Variants in PTPRK observed in about 807,000 individuals in gnomAD.
PTPRK encodes receptor-type tyrosine-protein phosphatase kappa.
A neutral mutation model predicts 178.0 loss-of-function variants in PTPRK; 75 were observed. The ratio of observed to expected loss-of-function variants is 0.42; its 90% CI spans 0.35 to 0.51. PTPRK has a LOEUF of 0.51. Among genes scored for constraint, PTPRK ranks in the 20% least tolerant of loss-of-function variants. PTPRK has a pLI of 0.02. For synonymous variants in PTPRK, 637 were observed against 620.6 expected (o/e 1.03, Z -0.39); for missense variants, 1,441 against 1,797.8 (o/e 0.80, Z 3.59).
At chr6:128,502,606 C>A (rs1258191213) in intron 1 of PTPRK, among the ~76,000 whole-genome samples, 1 of 152,134 alleles carries the variant, frequency 6.6e-6, no homozygotes, top group Non-Finnish European at 1.5e-5. Context: ...TATACCAGCT[C>A]CTGAAAGTCA....
intron 2 of PTPRK, among the ~76,000 whole-genome samples, chr6:128,338,546 A>T (rs1831241756): frequency 6.6e-6 from 1 of 152,206 alleles, no homozygotes; most frequent in Non-Finnish European, 1.5e-5. Context: ...ATTAAAGAAC[A>T]TTAGGAAGCC....
intron 2 of PTPRK, among the ~76,000 whole-genome samples, chr6:128,323,409 A>G (rs1829107427): frequency 6.6e-6 from 1 of 152,140 alleles, no homozygotes; most frequent in Admixed American, 6.6e-5. Context: ...CTTTGCTAGC[A>G]TGTAATTTTA....
chr6:128,431,682 T>C (rs1281501794), intron 1 of PTPRK, among the ~76,000 whole-genome samples: 1 of 152,232 alleles, frequency 6.6e-6, no homozygotes, highest in Non-Finnish European at 1.5e-5. Context: ...TTTGTTTTTC[T>C]TTCTTCCTTT....
chr6:128,356,461 T>C (rs960257385), intron 2 of PTPRK, among the ~76,000 whole-genome samples: 1 of 152,210 alleles, frequency 6.6e-6, no homozygotes, highest in African/African-American at 2.4e-5. Context: ...GCATTTTTCA[T>C]TTCTCATCCT....
chr6:128,013,519 T>C (rs928894833), intron 13 of PTPRK, among the ~76,000 whole-genome samples: 14 of 151,478 alleles, frequency 9.2e-5, no homozygotes, highest in African/African-American at 3.1e-4. Flanking sequence ...GTTCTTTTTC[T>C]AGTGTATCCC....
intron 7 of PTPRK, among the ~76,000 whole-genome samples, chr6:128,102,101 A>T (rs1330123257): frequency 6.6e-6 from 1 of 152,202 alleles, no homozygotes; most frequent in African/African-American, 2.4e-5. Flanking sequence ...GAAGAAATGG[A>T]GCTCAATAAA....
At chr6:128,223,244 T>C (rs1191130663) in intron 5 of PTPRK, among the ~76,000 whole-genome samples, 1 of 152,032 alleles carries the variant, frequency 6.6e-6, no homozygotes, top group African/African-American at 2.4e-5. Context: ...TTAAATTCAC[T>C]GAACATTTTA....
chr6:127,984,021 C>A (rs1367767541), intron 22 of PTPRK, among the ~76,000 whole-genome samples: 2 of 151,958 alleles, frequency 1.3e-5, no homozygotes, highest in Non-Finnish European at 2.9e-5. Flanking sequence ...GAATATGATT[C>A]CCAGCAAATC....
At chr6:128,037,604 A>G (rs548380509) in intron 13 of PTPRK, among the ~76,000 whole-genome samples, 1 of 152,338 alleles carries the variant, frequency 6.6e-6, no homozygotes, top group African/African-American at 2.4e-5. Context: ...TTTACTATGT[A>G]TTTATTTCAC....
chr6:128,056,761 TC>T (rs1198655230), intron 13 of PTPRK, among the ~76,000 whole-genome samples: 2 of 152,164 alleles, frequency 1.3e-5, no homozygotes, highest in African/African-American at 4.8e-5. Context: ...CCCTTTTTAC[TC>T]AAGTAAGAGT....
At chr6:128,407,973 A>T (rs1423967343) in intron 1 of PTPRK, among the ~76,000 whole-genome samples, 3 of 152,164 alleles carry the variant, frequency 2.0e-5, no homozygotes. Flanking sequence ...AGCTTTCATG[A>T]CTCACTTCTC....
chr6:128,116,827 C>T lies in PTPRK; in HGVS notation c.1163-26835G>A, dbSNP rs11154434. On this transcript the variant is annotated intron_variant, in intron 7 of 29. Transcript: ENST00000368226. ...GAGACAAAATTGTCATTACTGAAAC[C>T]TAATTTCAAAATATTCCCATTAATA... 3.9e-3 allele frequency among the ~76,000 whole-genome samples: 589 copies of T among 152,288 alleles called. 5 individuals are homozygous for T. Among genetic ancestry groups the T allele is most frequent in the African/African-American group, 0.013 (545 of 41,552 alleles).
In PTPRK at chr6:128,397,590, A is replaced by G; in HGVS notation, c.199T>C (p.Tyr67His). 1 of 1,614,048 alleles carries G rather than the reference A, an allele frequency of 6.2e-7. No homozygotes were observed. Among genetic ancestry groups the G allele is most frequent in the Non-Finnish European group, 8.5e-7 (1 of 1,179,956 alleles). The change falls in exon 2 of 30, where the codon TAT becomes CAT. Residue 67 changes from tyrosine to histidine, a missense_variant. Transcript: ENST00000368226. ...CCTTGGGGCATCTCGGGTGGTAGAT[A>G]ATGAGGCTCTTGAGCACTAACATGC... is the stretch of plus-strand genomic sequence containing the variant. ...WVHVSAQEPH[Y>H]LPPEMPQGSY...
chr6:128,365,743 T>G (rs373729189), intron 2 of PTPRK, among the ~76,000 whole-genome samples: 349 of 152,112 alleles, frequency 2.3e-3, no homozygotes, highest in Admixed American at 3.9e-3. Context: ...GGCTGGAGAG[T>G]TGAATGGCTT....
Position 128,105,323 on chromosome 6 carries a change from C to T in PTPRK, c.1163-15331G>A, listed in dbSNP as rs375179084. ...TATTTTTTTGTATTTTTAGTAGAGACGGGGTTTCACCGTGTTAGCCAGGAT... is the reference window on the plus strand; with the variant it reads ...TATTTTTTTGTATTTTTAGTAGAGATGGGGTTTCACCGTGTTAGCCAGGAT... On this transcript the variant is annotated intron_variant, in intron 7 of 29. Transcript: ENST00000368226. 1.6e-4 allele frequency among the ~76,000 whole-genome samples: 24 copies of T among 152,022 alleles called. No homozygotes were observed. In the East Asian group the frequency reaches 4.1e-3, roughly 26 times the overall value.
intron 6 of PTPRK, among the ~76,000 whole-genome samples, chr6:128,195,319 T>A (rs1338282707): frequency 2.0e-5 from 3 of 151,998 alleles, no homozygotes; most frequent in East Asian, 3.8e-4. Flanking sequence ...ATACATACTT[T>A]GTAATCATTT....
intron 21 of PTPRK, among the ~76,000 whole-genome samples, chr6:127,987,895 C>T (rs1776158944): frequency 1.3e-5 from 2 of 151,942 alleles, no homozygotes; most frequent in African/African-American, 2.4e-5. Flanking sequence ...GTTTAGGATG[C>T]CTCTTAATTT....
intron 2 of PTPRK, among the ~76,000 whole-genome samples, chr6:128,325,792 C>T (rs2128323060): frequency 6.6e-6 from 1 of 152,178 alleles, no homozygotes; most frequent in African/African-American, 2.4e-5. Flanking sequence ...CTAGAAATAC[C>T]ATTTGACGTG....
At chr6:128,035,022 T>C (rs1775972678) in intron 13 of PTPRK, among the ~76,000 whole-genome samples, 1 of 152,202 alleles carries the variant, frequency 6.6e-6, no homozygotes, top group Non-Finnish European at 1.5e-5. Flanking sequence ...ATTTAGACAG[T>C]GGTCATTTTC....
Sources: gnomAD v4.1 joint callset for allele counts (sites outside exome capture counted in the v4.1 genomes callset) on GRCh38, gnomAD v4.1.1 for gene constraint, MANE v1.5 for transcripts, NCBI Gene and HGNC (gene_info 2026-07-23, HGNC 2026-07-21) for gene names.